Variants in SYCP1 observed in about 807,000 individuals in gnomAD.
The protein encoded by SYCP1 is cancer/testis antigen 8.
A neutral mutation model predicts 153.1 loss-of-function variants in SYCP1; 64 were observed. The ratio of observed to expected loss-of-function variants is 0.42; its 90% confidence interval spans 0.34 to 0.51. SYCP1 has a LOEUF of 0.51. Ranked by LOEUF, SYCP1 falls within the 20% of genes least tolerant of loss-of-function variation. The pLI, the probability that SYCP1 is intolerant of heterozygous loss-of-function variation, is 0.06. For synonymous variants in SYCP1, 384 were observed against 341.8 expected (o/e 1.12, Z -1.36); for missense variants, 997 against 1,049.0 (o/e 0.95, Z 0.68).
intron 27 of SYCP1, among the ~76,000 whole-genome samples, chr1:114,958,915 G>C (rs1019530757): frequency 7.0e-6 from 1 of 143,534 alleles, no homozygotes; most frequent in Non-Finnish European, 1.5e-5. Context: ...GGGCAACAGA[G>C]TGAGACTCCG....
Position 114,858,666 on chromosome 1 carries a change from C to T in SYCP1, c.411C>T (p.Asn137=). The change falls in exon 6 of 32, where the codon AAC becomes AAT. Residue 137 remains asparagine, a synonymous_variant. Transcript: ENST00000369522. ...AGAAAGAAAGTAAGTTGCAAGAAAACAGAAAGATAATTGAAGCACAGCGAA... is the reference window on the plus strand; with the variant it reads ...AGAAAGAAAGTAAGTTGCAAGAAAATAGAAAGATAATTGAAGCACAGCGAA... ...LRQKESKLQE[N]RKIIEAQRKA... 1 of 1,611,984 alleles carries T rather than the reference C, an allele frequency of 6.2e-7. No individual in the cohort carries two copies. The highest frequency in any genetic ancestry group is 1.3e-5 in the African/African-American group (1 of 74,840).
chr1:114,938,411 G>C (rs1009609905), intron 23 of SYCP1, among the ~76,000 whole-genome samples: 1 of 148,416 alleles, frequency 6.7e-6, no homozygotes, highest in Non-Finnish European at 1.5e-5. Context: ...GATGGGGGGA[G>C]GGGGGAGGGA....
At chr1:114,879,040 T>C (rs918381482) in intron 12 of SYCP1, among the ~76,000 whole-genome samples, 19 of 152,076 alleles carry the variant, frequency 1.2e-4, no homozygotes, top group Non-Finnish European at 2.4e-4. Context: ...AATGTTAGGG[T>C]ATATTTTTAG....
chr1:114,873,592 C>T (rs1299773979), intron 8 of SYCP1, among the ~76,000 whole-genome samples: 1 of 152,162 alleles, frequency 6.6e-6, no homozygotes, highest in Non-Finnish European at 1.5e-5. Context: ...CCAAAGGAGG[C>T]CTTGTTAAGA....
At chr1:114,903,029 A>T (rs541680678) in intron 16 of SYCP1, among the ~76,000 whole-genome samples, 1 of 152,084 alleles carries the variant, frequency 6.6e-6, no homozygotes, top group East Asian at 1.9e-4. Context: ...AAAATACAAA[A>T]ATTAGCTGGG....
chr1:114,967,328 T>C (rs1672195345), intron 27 of SYCP1, among the ~76,000 whole-genome samples: 1 of 152,222 alleles, frequency 6.6e-6, no homozygotes, highest in Non-Finnish European at 1.5e-5. Context: ...TGTAGGTCTC[T>C]TAAAACTTGC....
At chr1:114,879,598 G>A (rs892231818) in intron 12 of SYCP1, among the ~76,000 whole-genome samples, 1 of 152,100 alleles carries the variant, frequency 6.6e-6, no homozygotes, top group East Asian at 1.9e-4. Flanking sequence ...CTTTGTAACT[G>A]TAGTGCCCAG....
At chr1:114,954,713 T>A (rs1321697534) in intron 27 of SYCP1, among the ~76,000 whole-genome samples, 1 of 152,104 alleles carries the variant, frequency 6.6e-6, no homozygotes, top group Non-Finnish European at 1.5e-5. Flanking sequence ...CCCGAGCAGC[T>A]GGGACTACAG....
At chr1:114,877,470 A>G (rs1489952013) in intron 11 of SYCP1, among the ~76,000 whole-genome samples, 6 of 152,320 alleles carry the variant, frequency 3.9e-5, no homozygotes, top group East Asian at 3.9e-4. Context: ...TTGCCACAAG[A>G]TATCTTCTAA....
At chr1:114,884,131 C>G (rs185947240) in intron 12 of SYCP1, among the ~76,000 whole-genome samples, 1 of 152,280 alleles carries the variant, frequency 6.6e-6, no homozygotes, top group Non-Finnish European at 1.5e-5. Context: ...TTTGCATGGT[C>G]TTCATGAATT....
chr1:114,947,810 T>TC (rs1557825071), intron 27 of SYCP1, among the ~76,000 whole-genome samples: 1 of 17,192 alleles, frequency 5.8e-5, no homozygotes, highest in African/African-American at 1.9e-4. Context: ...AGACTCCGTC[T>TC]CAAAAAAAAA....
At position 114,878,168 on chromosome 1, in the gene SYCP1, C is replaced by T. The variant is rs1371584761; in HGVS notation, c.876C>T (p.Ser292=). The change falls in exon 12 of 32, where the codon TCC becomes TCT. Residue 292 remains serine, a synonymous_variant. Transcript: ENST00000369522. ...ATTTAACATTTCTGCTAGAGGAATC[C>T]AGAGATAAAGTTAATCAATTAGAGG... ...MKDLTFLLEE[S]RDKVNQLEEK... 6 of 1,581,464 alleles carry T rather than the reference C, an allele frequency of 3.8e-6. No individual in the cohort carries two copies. In the South Asian group the frequency reaches 6.7e-5, roughly 18 times the overall value.
At chr1:114,957,330 T>C (rs1024223626) in intron 27 of SYCP1, among the ~76,000 whole-genome samples, 10 of 152,154 alleles carry the variant, frequency 6.6e-5, no homozygotes, top group Admixed American at 2.0e-4. Context: ...CCTGAAACTA[T>C]GAAATTACTG....
At chr1:114,949,692 C>G (rs1486613358) in intron 27 of SYCP1, among the ~76,000 whole-genome samples, 3 of 152,150 alleles carry the variant, frequency 2.0e-5, no homozygotes, top group African/African-American at 7.2e-5. Flanking sequence ...AAACTTAAAC[C>G]ATTAAACTGC....
chr1:114,994,703 G>T lies in SYCP1; in HGVS notation c.2709G>T (p.Met903Ile). 1.3e-6 allele frequency: 2 copies of T among 1,553,912 alleles called. No homozygotes were observed. The highest frequency in any genetic ancestry group is 2.5e-5 in the South Asian group (2 of 78,746). The change falls in exon 31 of 32, where the codon ATG (methionine) becomes ATT (isoleucine). Residue 903 changes from methionine to isoleucine, a missense_variant. Physicochemically the swap from Met to Ile is conservative, Grantham distance 10. Transcript: ENST00000369522. ...DSSETTDLLS[M>I]VSEEETLKTL... ...TTTTTTTATTTTTCTTCAAGAGCATGGTTTCAGAAGAAGAGACATTGAAAA... is the reference window on the plus strand; with the variant it reads ...TTTTTTTATTTTTCTTCAAGAGCATTGTTTCAGAAGAAGAGACATTGAAAA...
chr1:114,981,074 G>A (rs1456904646), intron 28 of SYCP1, among the ~76,000 whole-genome samples: 2 of 151,814 alleles, frequency 1.3e-5, no homozygotes, highest in East Asian at 1.9e-4. Context: ...TAAGAATAAC[G>A]ACCTCCAGGA....
chr1:114,975,540 C>G (rs892254135), intron 27 of SYCP1, among the ~76,000 whole-genome samples: 1 of 151,574 alleles, frequency 6.6e-6, no homozygotes, highest in Non-Finnish European at 1.5e-5. Flanking sequence ...TATTATTTCA[C>G]TATGATTCCT....
At chr1:114,989,669 G>T (rs1450948704) in intron 30 of SYCP1, among the ~76,000 whole-genome samples, 1 of 151,902 alleles carries the variant, frequency 6.6e-6, no homozygotes, top group Non-Finnish European at 1.5e-5. Flanking sequence ...AATGGAAAAA[G>T]ATATTCTGTG....
intron 8 of SYCP1, among the ~76,000 whole-genome samples, chr1:114,868,970 T>A (rs1664939119): frequency 1.3e-5 from 2 of 152,186 alleles, no homozygotes; most frequent in Non-Finnish European, 2.9e-5. Flanking sequence ...ATTTTATTGA[T>A]CTTTTCAAAT....
Sources: gnomAD v4.1 joint callset for allele counts (sites outside exome capture counted in the v4.1 genomes callset) on GRCh38, gnomAD v4.1.1 for gene constraint, MANE v1.5 for transcripts, NCBI Gene and HGNC (gene_info 2026-07-23, HGNC 2026-07-21) for gene names.